The following ZNF75D variants were observed in gnomAD, a reference collection of about 807,000 sequenced individuals.
ZNF75D encodes the protein zinc finger protein 75D.
ZNF75D carries 33 observed loss-of-function variants against 33.3 expected under a neutral mutation model. The observed-to-expected ratio is 0.99, with a 90% CI of 0.75 to 1.32. ZNF75D has a LOEUF of 1.32. ZNF75D is among the 40% of genes most tolerant of loss of function. The pLI is 0.00. For missense variants in ZNF75D, 338 were observed against 367.5 expected, an observed-to-expected ratio of 0.92 and a Z score of 0.66; for synonymous variants, 113 against 130.6, an observed-to-expected ratio of 0.87 and a Z score of 0.92.
Position 135,305,103 on chromosome X carries a change from T to A in ZNF75D, c.-390-9064A>T, listed in dbSNP as rs1038495206. The stretch of plus-strand genomic sequence containing the variant: ...TCCTACCCTTGGGATGAATGTCAGG[T>A]GTGGGTTCGACACAGTCTCCCATAG... On this transcript the variant is annotated intron_variant, in intron 1 of 6. Transcript: ENST00000370766. Among the ~76,000 whole-genome samples, 4 of 112,050 alleles carry A rather than the reference T, an allele frequency of 3.6e-5. No individual in the cohort carries two copies. In the East Asian group the frequency reaches 1.1e-3, roughly 31 times the overall value.
chrX:135,257,742 G>T (rs1451936424), intron 1 of ZNF75D, among the ~76,000 whole-genome samples: 3 of 112,477 alleles, frequency 2.7e-5, no homozygotes, highest in African/African-American at 9.7e-5. Context: ...TACTCCATTT[G>T]CATGGCATCT....
At chrX:135,297,450 A>G (rs1826520300) in intron 1 of ZNF75D, 1 of 112,054 alleles carries the variant, frequency 8.9e-6, no homozygotes, top group Non-Finnish European at 1.9e-5. Flanking sequence ...TTATAACTCA[A>G]TGAAGAGGAA....
chrX:135,259,809 G>A (rs1042103914), intron 1 of ZNF75D, among the ~76,000 whole-genome samples: 4 of 111,660 alleles, frequency 3.6e-5, no homozygotes, highest in African/African-American at 1.3e-4. Flanking sequence ...TGATTGTCCT[G>A]GCCAGAACTT....
intron 1 of ZNF75D, among the ~76,000 whole-genome samples, chrX:135,323,299 G>A (rs1479030002): frequency 7.1e-5 from 8 of 111,963 alleles, no homozygotes; most frequent in South Asian, 3.7e-4. Flanking sequence ...GGCTTAAGTC[G>A]GGTTTGAATG....
intron 1 of ZNF75D, among the ~76,000 whole-genome samples, chrX:135,303,936 C>A (rs927821359): frequency 2.7e-5 from 3 of 112,652 alleles, no homozygotes; most frequent in Non-Finnish European, 5.6e-5. Flanking sequence ...CAGTTGGGCT[C>A]CTTAAACAGA....
intron 1 of ZNF75D, among the ~76,000 whole-genome samples, chrX:135,318,089 T>A (rs12558507): frequency 0.066 from 5,500 of 83,068 alleles, 241 homozygotes; most frequent in Admixed American, 0.14. Flanking sequence ...ATATATATAT[T>A]TTTTTTTTTT....
At chrX:135,264,257 T>C (rs539593581) in intron 1 of ZNF75D, among the ~76,000 whole-genome samples, 1 of 111,336 alleles carries the variant, frequency 9.0e-6, no homozygotes, top group Non-Finnish European at 1.9e-5. Context: ...TCAGATCTCA[T>C]GAGAACTCAC....
intron 3 of ZNF75D, 79 bp from the exon 4 acceptor site, chrX:135,292,552 G>A (rs1275084148): frequency 2.2e-6 from 2 of 917,175 alleles, no homozygotes; most frequent in African/African-American, 3.9e-5. Flanking sequence ...AACAAGAGCA[G>A]AGCCCAGATT....
At chrX:135,278,127 GA>G (rs2083906385) in intron 1 of ZNF75D, among the ~76,000 whole-genome samples, 1 of 111,851 alleles carries the variant, frequency 8.9e-6, no homozygotes, top group East Asian at 2.8e-4. Flanking sequence ...CATGAGCATG[GA>G]ATGATTTTCC....
intron 1 of ZNF75D, among the ~76,000 whole-genome samples, chrX:135,301,519 T>C (rs782489157): frequency 1.2e-3 from 131 of 112,360 alleles, no homozygotes; most frequent in African/African-American, 4.1e-3. Context: ...CATGGGGATA[T>C]AGGCGTTGGA....
intron 1 of ZNF75D, among the ~76,000 whole-genome samples, chrX:135,316,217 C>T (rs1454016372): frequency 4.5e-5 from 5 of 111,891 alleles, no homozygotes; most frequent in Admixed American, 9.4e-5. Flanking sequence ...GATGAATTCC[C>T]CCAGCTTTTG....
chrX:135,334,320 T>C (rs1344119004), intron 1 of ZNF75D, among the ~76,000 whole-genome samples: 3 of 111,769 alleles, frequency 2.7e-5, no homozygotes, highest in Non-Finnish European at 5.7e-5. Context: ...GGACCAGTCA[T>C]GTCCACACTC....
intron 1 of ZNF75D, among the ~76,000 whole-genome samples, chrX:135,277,549 T>TG (rs2083903796): frequency 8.9e-6 from 1 of 112,566 alleles, no homozygotes; most frequent in Non-Finnish European, 1.9e-5. Flanking sequence ...ATTTTAGCCA[T>TG]GAAGTATTTG....
chrX:135,292,841 T>C lies in ZNF75D; in HGVS notation c.412-368A>G, dbSNP rs147447017. 6.9e-4 allele frequency among the ~76,000 whole-genome samples: 77 copies of C among 111,985 alleles called. 2 individuals are homozygous for C. In the East Asian group the frequency reaches 0.02, roughly 29 times the overall value. ...CTTGGATCCTTGTTTTAGTGAATTT[T>C]TATCTTTTGGTTTTCTGTAAAAGAA... On this transcript the variant is annotated intron_variant, in intron 3 of 6. Coordinates refer to ENST00000370766, the MANE Select transcript of ZNF75D (RefSeq NM_007131.5).
At chrX:135,322,338 C>T (rs2084506689) in intron 1 of ZNF75D, among the ~76,000 whole-genome samples, 1 of 111,913 alleles carries the variant, frequency 8.9e-6, no homozygotes, top group Admixed American at 9.4e-5. Context: ...TCTGTTAGAG[C>T]AGCAACAGAA....
At chrX:135,322,608 C>T in intron 1 of ZNF75D, among the ~76,000 whole-genome samples, 1 of 112,108 alleles carries the variant, frequency 8.9e-6, no homozygotes, top group East Asian at 2.8e-4. Context: ...TAATGGGTTT[C>T]AATACTTAAA....
chrX:135,309,625 C>T (rs1330646061), intron 1 of ZNF75D: 3 of 297,363 alleles, frequency 1.0e-5, no homozygotes, highest in Admixed American at 1.2e-4. Flanking sequence ...AGAAGTGACA[C>T]TGACCTGTCA....
intron 1 of ZNF75D, among the ~76,000 whole-genome samples, chrX:135,256,427 G>A (rs75978780): frequency 2.7e-5 from 3 of 111,232 alleles, no homozygotes; most frequent in African/African-American, 9.8e-5. Flanking sequence ...GTGTGTGTGT[G>A]GGGGGGTGCA....
chrX:135,307,139 C>G (rs912482349), intron 1 of ZNF75D, among the ~76,000 whole-genome samples: 6 of 111,783 alleles, frequency 5.4e-5, no homozygotes, highest in Admixed American at 9.5e-5. Context: ...GAGTTTTCCA[C>G]TTTCTTTGTT....
Sources: gnomAD v4.1 joint callset for allele counts (sites outside exome capture counted in the v4.1 genomes callset) on GRCh38, gnomAD v4.1.1 for gene constraint, MANE v1.5 for transcripts, NCBI Gene and HGNC (gene_info 2026-07-23, HGNC 2026-07-21) for gene names.